Variants in SRP19 observed in about 807,000 individuals in gnomAD.
The protein encoded by SRP19 is signal recognition particle 19 kDa protein.
Under a neutral mutation model 22.4 loss-of-function variants are expected in SRP19, and 11 were observed. That is an observed-to-expected ratio of 0.49 (90% CI 0.31 to 0.81). The LOEUF (loss-of-function observed/expected upper bound fraction) is 0.81, where lower values mean the gene tolerates loss of function less well. Ranked by LOEUF, SRP19 falls within the 40% of genes least tolerant of loss-of-function variation. SRP19 has a pLI of 0.05. For missense variants in SRP19, 168 were observed against 175.9 expected, an observed-to-expected ratio of 0.96 and a Z score of 0.25; for synonymous variants, 61 against 57.6, an observed-to-expected ratio of 1.06 and a Z score of -0.27.
chr5:112,872,867 C>T (rs775656222), downstream of SRP19, among the ~76,000 whole-genome samples: 3 of 152,128 alleles, frequency 2.0e-5, no homozygotes, highest in Non-Finnish European at 2.9e-5. Context: ...GGTAAATGTT[C>T]TTAGACCTTG....
At chr5:112,867,289 A>C (rs1196346081) in intron 4 of SRP19, 115 bp from the exon 5 acceptor site, 9 of 1,281,746 alleles carry the variant, frequency 7.0e-6, no homozygotes, top group Non-Finnish European at 9.5e-6. Context: ...TTTTTAAAAA[A>C]GTTATTTTCC....
At chr5:112,870,236 C>T (rs1048683018), downstream of SRP19, among the ~76,000 whole-genome samples, 5 of 152,024 alleles carry the variant, frequency 3.3e-5, no homozygotes, top group South Asian at 2.1e-4. Flanking sequence ...CCTATAATCG[C>T]GGCACATTGG....
chr5:112,862,625 G>T (rs916942977), intron 2 of SRP19, 42 bp downstream of exon 2: 1 of 1,577,930 alleles, frequency 6.3e-7, no homozygotes, highest in Non-Finnish European at 8.7e-7. Context: ...AGGGAATGGG[G>T]GGTGTCATCC....
chr5:112,871,586 A>C (rs570839292), downstream of SRP19, among the ~76,000 whole-genome samples: 182 of 152,088 alleles, frequency 1.2e-3, no homozygotes, highest in African/African-American at 4.1e-3. Flanking sequence ...GTGAAACCCT[A>C]TCTCTACTAA....
rs201763038 is a variant in SRP19 at position 112,861,384 on chromosome 5, G to T, written c.8G>T (p.Cys3Phe). The T allele has an allele frequency of 5.0e-6, 8 of 1,614,170 alleles. No individual in the cohort carries two copies. The highest frequency in any genetic ancestry group is 1.7e-4 in the Middle Eastern group (1 of 6,008). Reference protein sequence around the residue: MACAAARSPADQD... With the variant: MAFAAARSPADQD... ...GTTGAGACTCTTGTGAAGATGGCTT[G>T]CGCTGCCGCGCGGTCCCCGGCCGAC... The change falls in exon 1 of 5, where the codon TGC becomes TTC. Residue 3 changes from cysteine to phenylalanine, a missense_variant. Physicochemically the swap from Cys to Phe is radical, Grantham distance 205. Transcript: ENST00000505459.
At chr5:112,889,192 C>T (rs999973028) in intron 4 of SRP19, among the ~76,000 whole-genome samples, 2 of 150,546 alleles carry the variant, frequency 1.3e-5, no homozygotes, top group Admixed American at 1.3e-4. Context: ...TGAGAACAGA[C>T]AAATGCAGAG....
intron 4 of SRP19, chr5:112,876,689 T>G (rs1031342604): frequency 1.3e-5 from 2 of 152,170 alleles, no homozygotes; most frequent in Non-Finnish European, 2.9e-5. Context: ...GCTCAATTAG[T>G]TTTTCAAACT....
chr5:112,892,826 G>T, exon 5 of SRP19: 2 of 1,613,770 alleles, frequency 1.2e-6, no homozygotes, highest in Non-Finnish European at 1.7e-6. Flanking sequence ...ACCTACAAAA[G>T]AAATGGGGAA....
intron 4 of SRP19, among the ~76,000 whole-genome samples, chr5:112,886,104 G>A (rs1768234361): frequency 2.6e-5 from 4 of 152,214 alleles, no homozygotes; most frequent in Admixed American, 2.6e-4. Flanking sequence ...TAGTGTCTAA[G>A]GAGTGATCCA....
chr5:112,870,653 CT>C (rs1767736109), downstream of SRP19, among the ~76,000 whole-genome samples: 1 of 152,108 alleles, frequency 6.6e-6, no homozygotes, highest in African/African-American at 2.4e-5. Flanking sequence ...GAGGTGGAAC[CT>C]TTGGGAGGTG....
At chr5:112,897,490 TCTG>T (rs1420159949), downstream of SRP19, 1 of 152,140 alleles carries the variant, frequency 6.6e-6, no homozygotes, top group African/African-American at 2.4e-5. Flanking sequence ...TCTAAATAAA[TCTG>T]CTGAATAAAG....
chr5:112,887,123 T>C (rs1768277757), intron 4 of SRP19: 2 of 1,613,542 alleles, frequency 1.2e-6, no homozygotes, highest in Non-Finnish European at 8.5e-7. Context: ...ATGATGCGCT[T>C]GTAGAGCAGT....
At chr5:112,879,142 A>G (rs1009522496) in intron 4 of SRP19, among the ~76,000 whole-genome samples, 2 of 152,124 alleles carry the variant, frequency 1.3e-5, no homozygotes, top group African/African-American at 4.8e-5. Context: ...TGAAAGAAGC[A>G]GAGATTCCTT....
At chr5:112,865,731 C>T (rs1251365608) in intron 4 of SRP19, among the ~76,000 whole-genome samples, 1 of 151,744 alleles carries the variant, frequency 6.6e-6, no homozygotes, top group Non-Finnish European at 1.5e-5. Context: ...GTAGCTGGGA[C>T]TACAGGCATG....
chr5:112,897,436 C>T (rs567579950), downstream of SRP19: 1 of 151,780 alleles, frequency 6.6e-6, no homozygotes, highest in African/African-American at 2.4e-5. Flanking sequence ...TTTTATTCGC[C>T]AAAGTATCTC....
intron 4 of SRP19, chr5:112,878,373 G>GAATT (rs1249706236): frequency 6.0e-6 from 1 of 166,424 alleles, no homozygotes; most frequent in African/African-American, 2.4e-5. Context: ...AAACATTTCA[G>GAATT]AATTATATAA....
chr5:112,883,797 C>T (rs1226363271), intron 4 of SRP19, among the ~76,000 whole-genome samples: 1 of 152,134 alleles, frequency 6.6e-6, no homozygotes, highest in Non-Finnish European at 1.5e-5. Context: ...CACAACCTCC[C>T]ACCCCAACAA....
chr5:112,889,829 A>ATTT (rs35932072), intron 4 of SRP19, among the ~76,000 whole-genome samples: 4 of 139,286 alleles, frequency 2.9e-5, no homozygotes, highest in African/African-American at 5.5e-5. Flanking sequence ...GAAAAAAAAA[A>ATTT]TTTTTTTTTT....
chr5:112,891,801 G>C, exon 5 of SRP19: 4 of 1,607,182 alleles, frequency 2.5e-6, no homozygotes, highest in South Asian at 2.2e-5. Context: ...AGGAGGAAGA[G>C]GACACTTTTA....
Sources: gnomAD v4.1 joint callset for allele counts (sites outside exome capture counted in the v4.1 genomes callset) on GRCh38, gnomAD v4.1.1 for gene constraint, MANE v1.5 for transcripts, NCBI Gene and HGNC (gene_info 2026-07-23, HGNC 2026-07-21) for gene names.